The following CNTNAP2 variants were observed in gnomAD, a reference collection of about 807,000 sequenced individuals.
The protein encoded by CNTNAP2 is contactin associated protein 2.
In CNTNAP2, 98 loss-of-function variants were observed where a neutral mutation model predicts 155.2. That is an observed-to-expected ratio of 0.63 (90% CI 0.54 to 0.75). The LOEUF (loss-of-function observed/expected upper bound fraction) is 0.75, where lower values mean the gene tolerates loss of function less well. Ranked by LOEUF, CNTNAP2 falls within the 30% of genes least tolerant of loss-of-function variation. The pLI is 0.00. For synonymous variants in CNTNAP2, 651 were observed against 631.2 expected (o/e 1.03, Z -0.47); for missense variants, 1,727 against 1,688.1 (o/e 1.02, Z -0.40).
chr7:146,928,694 G>T (rs1372505297), intron 3 of CNTNAP2, among the ~76,000 whole-genome samples: 1 of 152,202 alleles, frequency 6.6e-6, no homozygotes, highest in Non-Finnish European at 1.5e-5. Flanking sequence ...AAAGAAAGGG[G>T]TGACAGAAGG....
At chr7:148,024,178 A>AAAAAAAAAAAAAAAAAAAC (rs1802336126) in intron 15 of CNTNAP2, among the ~76,000 whole-genome samples, 1 of 151,444 alleles carries the variant, frequency 6.6e-6, no homozygotes, top group African/African-American at 2.4e-5. Context: ...AAAAAAAAAA[A>AAAAAAAAAAAAAAAAAAAC]ACTTTATAAC....
chr7:147,706,378 A>G (rs1053615654), intron 13 of CNTNAP2, among the ~76,000 whole-genome samples: 2 of 151,792 alleles, frequency 1.3e-5, no homozygotes, highest in African/African-American at 2.4e-5. Context: ...TCCTTCATTT[A>G]TGAATGACAA....
intron 1 of CNTNAP2, among the ~76,000 whole-genome samples, chr7:146,540,793 A>C (rs1020801661): frequency 6.6e-6 from 1 of 152,052 alleles, no homozygotes; most frequent in Non-Finnish European, 1.5e-5. Flanking sequence ...TTTATTTTTA[A>C]CTTACTGTTA....
intron 1 of CNTNAP2, among the ~76,000 whole-genome samples, chr7:146,233,627 C>CACA (rs1220531466): frequency 6.6e-6 from 1 of 152,064 alleles, no homozygotes; most frequent in Admixed American, 6.6e-5. Flanking sequence ...CCCCCCACAC[C>CACA]ACAACAGTCC....
intron 3 of CNTNAP2, among the ~76,000 whole-genome samples, chr7:147,033,567 G>A (rs1187896271): frequency 6.6e-6 from 1 of 151,778 alleles, no homozygotes; most frequent in Non-Finnish European, 1.5e-5. Flanking sequence ...ACTGGTTTTT[G>A]TACATCCAGA....
At chr7:146,826,770 A>C (rs1049495634) in intron 2 of CNTNAP2, among the ~76,000 whole-genome samples, 6 of 151,652 alleles carry the variant, frequency 4.0e-5, no homozygotes, top group African/African-American at 1.2e-4. Flanking sequence ...ATTGTTAATG[A>C]CTTAATTTTA....
At chr7:147,880,588 T>G (rs995134679) in intron 13 of CNTNAP2, among the ~76,000 whole-genome samples, 13 of 130,620 alleles carry the variant, frequency 1.0e-4, no homozygotes, top group African/African-American at 4.0e-4. Flanking sequence ...AAGTGCCAAC[T>G]TTTTCATTGT....
intron 1 of CNTNAP2, among the ~76,000 whole-genome samples, chr7:146,140,553 T>G (rs1797862449): frequency 6.6e-6 from 1 of 152,166 alleles, no homozygotes; most frequent in African/African-American, 2.4e-5. Flanking sequence ...ATTAAAATAT[T>G]TGTACTTCAA....
chr7:147,157,204 G>A (rs748740841), intron 8 of CNTNAP2, among the ~76,000 whole-genome samples: 16 of 152,060 alleles, frequency 1.1e-4, no homozygotes, highest in Non-Finnish European at 2.2e-4. Context: ...TATACTGAAT[G>A]CATGATGCCA....
At chr7:147,812,506 A>T (rs1231229025) in intron 13 of CNTNAP2, among the ~76,000 whole-genome samples, 1 of 136,934 alleles carries the variant, frequency 7.3e-6, no homozygotes, top group Non-Finnish European at 1.5e-5. Context: ...TTTAAAAAGT[A>T]AAAAAAAAAA....
At chr7:146,344,003 CCT>C (rs928225672) in intron 1 of CNTNAP2, among the ~76,000 whole-genome samples, 3 of 151,544 alleles carry the variant, frequency 2.0e-5, no homozygotes, top group African/African-American at 7.3e-5. Context: ...GGATATAACC[CCT>C]GTTTAATCAT....
intron 1 of CNTNAP2, among the ~76,000 whole-genome samples, chr7:146,585,101 GTGTTTTGTTTTGTTT>G (rs10677797): frequency 1.6e-4 from 24 of 147,858 alleles, no homozygotes; most frequent in Admixed American, 2.0e-4. Context: ...GAGTATCTTG[GTGTTTTGTTTTGTTT>G]TGTTTTGTTT....
At chr7:147,635,952 G>A (rs1266182457) in intron 12 of CNTNAP2, among the ~76,000 whole-genome samples, 2 of 152,180 alleles carry the variant, frequency 1.3e-5, no homozygotes, top group East Asian at 1.9e-4. Flanking sequence ...TTTTATGCCA[G>A]AGGCTGACTG....
intron 13 of CNTNAP2, among the ~76,000 whole-genome samples, chr7:147,819,408 C>G (rs1798327021): frequency 6.6e-6 from 1 of 152,158 alleles, no homozygotes; most frequent in African/African-American, 2.4e-5. Context: ...CTTCCTTTCT[C>G]CAATCCCATC....
In CNTNAP2 at chr7:147,736,921, G is replaced by A. The variant is rs564421923; in HGVS notation, c.2098+97615G>A. Among the ~76,000 whole-genome samples, 65 of 152,230 alleles carry A rather than the reference G, an allele frequency of 4.3e-4. 1 individual carries two copies. The South Asian group carries it at 0.013, about 31-fold the overall frequency. On this transcript the variant is annotated intron_variant, in intron 13 of 23. Coordinates refer to ENST00000361727, the MANE Select transcript of CNTNAP2 (RefSeq NM_014141.6). ...CATTGGTTATTCTAGTTAGCCGTTTGTCAAATCTTTGTTCAAGATTTTTAA... is the reference window on the plus strand; with the variant it reads ...CATTGGTTATTCTAGTTAGCCGTTTATCAAATCTTTGTTCAAGATTTTTAA...
intron 8 of CNTNAP2, among the ~76,000 whole-genome samples, chr7:147,223,787 A>G (rs1211858321): frequency 6.6e-6 from 1 of 151,982 alleles, no homozygotes; most frequent in Non-Finnish European, 1.5e-5. Flanking sequence ...CTAAAAATAT[A>G]AAAATTAGCT....
chr7:146,883,145 C>G (rs910422080), intron 3 of CNTNAP2, among the ~76,000 whole-genome samples: 1 of 152,140 alleles, frequency 6.6e-6, no homozygotes, highest in Admixed American at 6.6e-5. Flanking sequence ...TTCTAAATAA[C>G]TAATGGACTT....
chr7:147,093,599 ACACT>A (rs948125419), intron 4 of CNTNAP2, among the ~76,000 whole-genome samples: 47 of 152,172 alleles, frequency 3.1e-4, no homozygotes, highest in African/African-American at 1.1e-3. Context: ...GAGGACACAA[ACACT>A]CATACCGTAG....
chr7:146,982,673 T>TA (rs1454925883), intron 3 of CNTNAP2, among the ~76,000 whole-genome samples: 1 of 152,128 alleles, frequency 6.6e-6, no homozygotes, highest in East Asian at 1.9e-4. Context: ...ATAAGATACT[T>TA]ATGTATCTTC....
Sources: allele counts gnomAD v4.1 joint callset (sites outside exome capture counted in the v4.1 genomes callset), GRCh38; gene constraint gnomAD v4.1.1; transcripts MANE v1.5; gene names NCBI Gene and HGNC (gene_info 2026-07-23, HGNC 2026-07-21).